TMEFF2: variants seen among roughly 807,000 people sequenced by gnomAD.
TMEFF2 encodes the protein tomoregulin-2.
A neutral mutation model predicts 53.8 loss-of-function variants in TMEFF2; 28 were observed. That is an observed-to-expected ratio of 0.52 (90% confidence interval 0.39 to 0.71). TMEFF2 has a LOEUF of 0.71. Among genes scored for constraint, TMEFF2 ranks in the 30% least tolerant of loss-of-function variants. The pLI, the probability that TMEFF2 is intolerant of heterozygous loss-of-function variation, is 0.00. For synonymous variants in TMEFF2, 162 were observed against 166.3 expected (o/e 0.97, Z 0.20); for missense variants, 353 against 455.2 (o/e 0.78, Z 2.04).
intron 5 of TMEFF2, among the ~76,000 whole-genome samples, chr2:192,005,216 T>C (rs577052348): frequency 6.6e-6 from 1 of 152,326 alleles, no homozygotes; most frequent in East Asian, 1.9e-4. Context: ...ACTTAAATTA[T>C]AGCAGTAAAA....
chr2:192,088,456 T>C (rs1323492020), intron 4 of TMEFF2, among the ~76,000 whole-genome samples: 1 of 152,146 alleles, frequency 6.6e-6, no homozygotes, highest in Non-Finnish European at 1.5e-5. Flanking sequence ...GGGCCGGGTG[T>C]CACCTGACCT....
At chr2:192,117,409 AT>A (rs1689439188) in intron 4 of TMEFF2, among the ~76,000 whole-genome samples, 2 of 152,316 alleles carry the variant, frequency 1.3e-5, no homozygotes, top group Middle Eastern at 3.4e-3. Context: ...GAAGTAAAAG[AT>A]TCCTCAAGTG....
chr2:191,993,843 T>C (rs1686162605), intron 7 of TMEFF2, among the ~76,000 whole-genome samples: 1 of 152,112 alleles, frequency 6.6e-6, no homozygotes, highest in African/African-American at 2.4e-5. Context: ...TAAAAATCAT[T>C]GTTGAAGATT....
intron 5 of TMEFF2, among the ~76,000 whole-genome samples, chr2:192,016,883 G>GT (rs1439589761): frequency 1.3e-5 from 2 of 152,092 alleles, no homozygotes; most frequent in African/African-American, 2.4e-5. Context: ...TCGCATCACT[G>GT]TTTTTTTGGA....
intron 4 of TMEFF2, among the ~76,000 whole-genome samples, chr2:192,170,821 G>A (rs549764990): frequency 1.6e-4 from 24 of 152,106 alleles, no homozygotes; most frequent in Admixed American, 8.5e-4. Context: ...AATTCTTTTG[G>A]TTTGACTCAT....
chr2:192,084,798 T>C (rs1463639464), intron 4 of TMEFF2, among the ~76,000 whole-genome samples: 2 of 152,174 alleles, frequency 1.3e-5, no homozygotes, highest in Non-Finnish European at 2.9e-5. Context: ...CTAGCACAGG[T>C]TGATTGTGTT....
chr2:191,955,190 A>G (rs977645793), intron 8 of TMEFF2, among the ~76,000 whole-genome samples: 3 of 149,988 alleles, frequency 2.0e-5, no homozygotes, highest in Admixed American at 1.3e-4. Flanking sequence ...AGAGAGAGAG[A>G]GAGAAATCTT....
chr2:192,064,691 T>C (rs1317671743), intron 4 of TMEFF2, among the ~76,000 whole-genome samples: 2 of 151,898 alleles, frequency 1.3e-5, no homozygotes, highest in Non-Finnish European at 1.5e-5. Context: ...ATTAGTTTTC[T>C]GACATGCTTT....
chr2:191,964,399 TCTTTC>T (rs1692404342), intron 7 of TMEFF2, among the ~76,000 whole-genome samples: 1 of 36,494 alleles, frequency 2.7e-5, no homozygotes, highest in Non-Finnish European at 5.3e-5. Flanking sequence ...TCTTTCTTTC[TCTTTC>T]TTTCTTTCTT....
At chr2:192,025,301 A>G (rs1033554115) in intron 5 of TMEFF2, among the ~76,000 whole-genome samples, 1 of 152,070 alleles carries the variant, frequency 6.6e-6, no homozygotes, top group Non-Finnish European at 1.5e-5. Flanking sequence ...TGAGCCTACA[A>G]CCAAGTGTGA....
intron 5 of TMEFF2, among the ~76,000 whole-genome samples, chr2:192,000,657 T>TATAC (rs1686334840): frequency 6.6e-6 from 1 of 152,214 alleles, no homozygotes; most frequent in African/African-American, 2.4e-5. Flanking sequence ...AGAGGCTTTG[T>TATAC]ATACACACCA....
In TMEFF2 at chr2:192,069,988, GTATATA is replaced by G. The variant is rs55800219; in HGVS notation, c.440-12219_440-12214del. Among the ~76,000 whole-genome samples, 699 of 116,748 alleles carry G rather than the reference GTATATA, an allele frequency of 6.0e-3. 3 individuals carry two copies. The highest frequency in any genetic ancestry group is 9.6e-3 in the Middle Eastern group (2 of 208). 76.6% of individuals were successfully genotyped at this position (116,748 alleles called of 152,430 possible). On this transcript the variant is annotated intron_variant, in intron 4 of 9. Transcript: ENST00000272771. Reference sequence around the variant, plus strand: ...AATGTGTGTGTGTGTGTGTGTGTGTGTATATATATATATATATATATATATATATAT... The same window carrying G: ...AATGTGTGTGTGTGTGTGTGTGTGTGTATATATATATATATATATATATAT...
At chr2:192,193,201 G>T (rs1048799282) in intron 1 of TMEFF2, among the ~76,000 whole-genome samples, 1 of 152,254 alleles carries the variant, frequency 6.6e-6, no homozygotes, top group Admixed American at 6.5e-5. Flanking sequence ...TTTAACTACA[G>T]CAAAATTATA....
At chr2:192,091,530 T>C (rs1026783450) in intron 4 of TMEFF2, among the ~76,000 whole-genome samples, 1 of 152,186 alleles carries the variant, frequency 6.6e-6, no homozygotes, top group Non-Finnish European at 1.5e-5. Context: ...AGTAAGAAGC[T>C]TATTCATGCA....
At chr2:191,972,041 T>C (rs1191425986) in intron 7 of TMEFF2, among the ~76,000 whole-genome samples, 1 of 151,950 alleles carries the variant, frequency 6.6e-6, no homozygotes, top group Non-Finnish European at 1.5e-5. Flanking sequence ...GTGGCTAGAA[T>C]GGAGAATGTG....
intron 4 of TMEFF2, among the ~76,000 whole-genome samples, chr2:192,160,946 T>C (rs1690618287): frequency 6.6e-6 from 1 of 151,800 alleles, no homozygotes; most frequent in Admixed American, 6.6e-5. Flanking sequence ...AATCCGAGAG[T>C]CTAGAGTCAT....
At chr2:192,144,536 T>C (rs561542281) in intron 4 of TMEFF2, among the ~76,000 whole-genome samples, 22 of 152,204 alleles carry the variant, frequency 1.4e-4, no homozygotes, top group African/African-American at 5.3e-4. Context: ...TACTGAATTG[T>C]CTAGCTTTAT....
chr2:191,972,586 G>A (rs1051080996), intron 7 of TMEFF2, among the ~76,000 whole-genome samples: 9 of 152,048 alleles, frequency 5.9e-5, no homozygotes, highest in Non-Finnish European at 8.8e-5. Flanking sequence ...GTACAGTGGT[G>A]TGGGAGAAAG....
At chr2:192,125,580 A>C (rs1242629735) in intron 4 of TMEFF2, among the ~76,000 whole-genome samples, 3 of 152,192 alleles carry the variant, frequency 2.0e-5, no homozygotes, top group African/African-American at 4.8e-5. Flanking sequence ...GTTTAATAAA[A>C]GTTTGTTTCT....
Sources: allele counts gnomAD v4.1 joint callset (sites outside exome capture counted in the v4.1 genomes callset), GRCh38; gene constraint gnomAD v4.1.1; transcripts MANE v1.5; gene names NCBI Gene and HGNC (gene_info 2026-07-23, HGNC 2026-07-21).